PALM: variants seen among roughly 807,000 people sequenced by gnomAD.
The protein encoded by PALM is paralemmin-1.
Under a neutral mutation model 30.7 loss-of-function variants are expected in PALM, and 18 were observed. That is an observed-to-expected ratio of 0.59 (90% CI 0.41 to 0.87). The LOEUF (loss-of-function observed/expected upper bound fraction) is 0.87, where lower values mean the gene tolerates loss of function less well. PALM is among the 40% of genes least tolerant of loss of function. The pLI is 0.00. For missense variants in PALM, 529 were observed against 555.4 expected, an observed-to-expected ratio of 0.95 and a Z score of 0.48; for synonymous variants, 286 against 242.8, an observed-to-expected ratio of 1.18 and a Z score of -1.66.
Position 746,641 on chromosome 19 carries a change from A to G in PALM, c.991A>G (p.Ile331Val), listed in dbSNP as rs767670413. Residue 331 changes from isoleucine to valine, a missense_variant, in exon 9 of 9, where the codon ATC becomes GTC. By Grantham distance (29) the Ile-to-Val change is conservative. Transcript: ENST00000338448. This position sits in a 1 kb window ranked among gnomAD's most constrained non-coding sequence, Gnocchi z 7.1. ...QDTITAELVV[I>V]EDAAEPKEPA... ...TACCATCACGGCGGAGCTGGTGGTC[A>G]TCGAAGACGCGGCTGAGCCCAAGGA... 1.2e-6 allele frequency: 2 copies of G among 1,612,812 alleles called. 1 individual carries two copies. Among genetic ancestry groups the G allele is most frequent in the South Asian group, 2.2e-5 (2 of 91,024 alleles).
rs1371476911 is a variant in PALM, at chr19:730,625, T to A, written c.270-470T>A. ...TCCCGCCTCTGCTACCTGCTGGCCA[T>A]GTGGCTTTTGCACTCCGTGCCTCAG... is the stretch of plus-strand genomic sequence containing the variant. On this transcript the variant is annotated intron_variant, in intron 4 of 8. Coordinates refer to ENST00000338448, the MANE Select transcript of PALM (RefSeq NM_002579.3). Among the ~76,000 whole-genome samples the A allele has an allele frequency of 2.6e-5, 4 of 152,176 alleles. No homozygotes were observed. In the South Asian group the frequency reaches 8.3e-4, roughly 31 times the overall value.
intron 1 of PALM, chr19:719,209 C>G (rs1043338718): frequency 1.0e-6 from 1 of 985,464 alleles, no homozygotes; most frequent in African/African-American, 1.7e-5. Flanking sequence ...ACACACGCCC[C>G]TCCCGCCTCG....
At position 719,625 on chromosome 19, in the gene PALM, C is replaced by T. The variant is rs1008781974; in HGVS notation, c.6-6513C>T. On this transcript the variant is annotated intron_variant, in intron 1 of 8. Coordinates refer to ENST00000338448, the MANE Select transcript of PALM (RefSeq NM_002579.3). ...GCCGCCGCCCTGAGCTTTTCCACGCCTTTGCCCGGGACTCAGCTCCTCCGC... is the reference window on the plus strand; with the variant it reads ...GCCGCCGCCCTGAGCTTTTCCACGCTTTTGCCCGGGACTCAGCTCCTCCGC... 8.1e-6 allele frequency: 8 copies of T among 986,350 alleles called. No homozygotes were observed. The South Asian group carries it at 3.8e-4, about 46-fold the overall frequency. The allele number at this position is 986,350 out of a possible 1,614,324, so 61.1% of individuals were successfully genotyped here.
chr19:716,304 T>C (rs2032253088), intron 1 of PALM, among the ~76,000 whole-genome samples: 1 of 151,768 alleles, frequency 6.6e-6, no homozygotes, highest in Non-Finnish European at 1.5e-5. Flanking sequence ...TCCCAGCTAC[T>C]CGGGAGGCTG....
chr19:734,088 C>G, intron 5 of PALM, 85 bp from the exon 6 acceptor site: 1 of 1,308,024 alleles, frequency 7.6e-7, no homozygotes, highest in Non-Finnish European at 1.1e-6. Context: ...TGTGCCATGC[C>G]CTCCCCAGGC....
Position 719,665 on chromosome 19 carries a change from C to G in PALM, c.6-6473C>G, listed in dbSNP as rs999975086. The stretch of plus-strand genomic sequence containing the variant: ...AGCTCCTCCGCCCAGCATGTAAGAC[C>G]TTTTGTGATCCGACCTCCGCTTCCT... On this transcript the variant is annotated intron_variant, in intron 1 of 8. Coordinates refer to ENST00000338448, the MANE Select transcript of PALM (RefSeq NM_002579.3). The G allele has an allele frequency of 1.9e-5, 19 of 978,066 alleles. No individual in the cohort carries two copies. The African/African-American group carries it at 3.2e-4, about 16-fold the overall frequency. 60.6% of individuals were successfully genotyped at this position (978,066 alleles called of 1,614,324 possible). A position where few individuals can be genotyped will look rare whatever the true frequency, so the allele number is the denominator to read the frequency against.
Position 731,124 on chromosome 19 carries a change from G to A in PALM, c.299G>A (p.Arg100His), listed in dbSNP as rs757247313. Residue 100 changes from arginine to histidine, a missense_variant, in exon 5 of 9, where the codon CGT (arginine) becomes CAT (histidine). Coordinates refer to ENST00000338448, the MANE Select transcript of PALM (RefSeq NM_002579.3). Reference protein sequence around the residue: ...RLEKEIEVLERGDSAPATAKE... With the variant: ...RLEKEIEVLEHGDSAPATAKE... ...GAGAAGGAAATTGAGGTGCTGGAGC[G>A]TGGAGACTCCGCCCCAGCCACTGCC... The A allele has an allele frequency of 3.0e-5, 48 of 1,603,600 alleles. No individual in the cohort carries two copies. Among genetic ancestry groups the A allele is most frequent in the African/African-American group, 2.4e-4 (18 of 74,628 alleles).
At chr19:730,700 C>T (rs1187415811) in intron 4 of PALM, among the ~76,000 whole-genome samples, 1 of 152,054 alleles carries the variant, frequency 6.6e-6, no homozygotes, top group Non-Finnish European at 1.5e-5. Flanking sequence ...GCCTGGGAGC[C>T]TTAAATTCAG....
In PALM at chr19:747,510, T is replaced by C. The variant is rs2033384389; in HGVS notation, c.*696T>C. 1 of 152,656 alleles carries C rather than the reference T, an allele frequency of 6.6e-6. No homozygotes were observed. 9.5% of individuals were successfully genotyped at this position (152,656 alleles called of 1,614,324 possible). On this transcript the variant is annotated 3_prime_UTR_variant, in exon 9 of 9. Coordinates refer to ENST00000338448, the MANE Select transcript of PALM (RefSeq NM_002579.3). ...GGCCGGTAACCCCTGGGCTATCTTC[T>C]AGACGGGGCGAACCAGGGGTCATTG...
At chr19:718,549 C>T (rs1462344635) in intron 1 of PALM, among the ~76,000 whole-genome samples, 1 of 152,150 alleles carries the variant, frequency 6.6e-6, no homozygotes, top group Non-Finnish European at 1.5e-5. Context: ...GGTCCCTTCC[C>T]ACCCCAGGTT....
Position 746,579 on chromosome 19 carries a change from A to T in PALM, c.929A>T (p.Asp310Val). Reference protein sequence around the residue: ...MIFMGYQNVEDEAETKKVLGL... With the variant: ...MIFMGYQNVEVEAETKKVLGL... The stretch of plus-strand genomic sequence containing the variant: ...TTCATGGGTTACCAGAACGTGGAGG[A>T]TGAGGCCGAGACCAAGAAGGTGCTG... The change falls in exon 9 of 9, where the codon GAT (aspartate) becomes GTT (valine). Residue 310 changes from aspartate to valine, a missense_variant. Coordinates refer to ENST00000338448, the MANE Select transcript of PALM (RefSeq NM_002579.3). The surrounding 1 kb of genome is among the most constrained non-coding windows in gnomAD (Gnocchi z 7.1). The T allele has an allele frequency of 6.2e-7, 1 of 1,613,332 alleles. No homozygotes were observed. Among genetic ancestry groups the T allele is most frequent in the Non-Finnish European group, 8.5e-7 (1 of 1,179,882 alleles).
At chr19:740,236 C>T (rs1261597339) in intron 7 of PALM, 116 bp from the exon 8 acceptor site, 1 of 1,032,916 alleles carries the variant, frequency 9.7e-7, no homozygotes, top group Non-Finnish European at 1.4e-6. Flanking sequence ...GCTCCGCCTG[C>T]CCCATCGCTG....
chr19:716,397 G>A (rs1484923177), intron 1 of PALM, among the ~76,000 whole-genome samples: 3 of 149,446 alleles, frequency 2.0e-5, no homozygotes, highest in Non-Finnish European at 3.0e-5. Flanking sequence ...GTGACAGAGC[G>A]AGACTCTTTC....
At chr19:731,533 A>G (rs142157903) in intron 5 of PALM, among the ~76,000 whole-genome samples, 22 of 130,608 alleles carry the variant, frequency 1.7e-4, no homozygotes, top group Middle Eastern at 3.7e-3. Context: ...ACCTGGGGGC[A>G]TCAGAAGGGC....
At chr19:726,843 G>A (rs961299025) in intron 2 of PALM, among the ~76,000 whole-genome samples, 165 bp from the exon 3 acceptor site, 9 of 152,162 alleles carry the variant, frequency 5.9e-5, no homozygotes, top group Non-Finnish European at 1.0e-4. Flanking sequence ...CTGCTGTCCC[G>A]GGCTGGAGTA....
At chr19:727,225 C>CAATCCT (rs1235073493) in intron 3 of PALM, 137 bp downstream of exon 3, 1 of 533,242 alleles carries the variant, frequency 1.9e-6, no homozygotes, top group Non-Finnish European at 3.2e-6. Flanking sequence ...ACCCTGACCC[C>CAATCCT]GACCCTGACC....
intron 2 of PALM, among the ~76,000 whole-genome samples, chr19:726,588 C>T (rs532693149): frequency 6.6e-5 from 10 of 152,192 alleles, no homozygotes; most frequent in South Asian, 2.1e-4. Flanking sequence ...TGACGTGGCC[C>T]GATTCCTGGG....
chr19:730,874 G>T (rs185316192), intron 4 of PALM, among the ~76,000 whole-genome samples: 1 of 152,054 alleles, frequency 6.6e-6, no homozygotes, highest in African/African-American at 2.4e-5. Flanking sequence ...GGTGGTGCAC[G>T]CCTGTAATCC....
At chr19:738,261 T>A (rs886165730) in intron 7 of PALM, among the ~76,000 whole-genome samples, 13 of 152,042 alleles carry the variant, frequency 8.6e-5, no homozygotes, top group South Asian at 2.1e-4. Context: ...GCGTGGTGGC[T>A]CACCCCTGTA....
Sources: allele counts gnomAD v4.1 joint callset (sites outside exome capture counted in the v4.1 genomes callset), GRCh38; gene constraint gnomAD v4.1.1; non-coding constraint Gnocchi (gnomAD v3.1); transcripts MANE v1.5; gene names NCBI Gene and HGNC (gene_info 2026-07-23, HGNC 2026-07-21).